Variants in DTNB observed in about 807,000 individuals in gnomAD.
DTNB encodes dystrobrevin beta, also known as DTN-B.
DTNB carries 63 observed loss-of-function variants against 90.7 expected under a neutral mutation model. That is an observed-to-expected ratio of 0.69 (90% confidence interval 0.57 to 0.86). DTNB has a LOEUF of 0.86. DTNB is among the 40% of genes least tolerant of loss of function. The probability of loss-of-function intolerance (pLI) is 0.00; values close to 1 mark genes in which losing one functional copy is unlikely to be tolerated. For missense variants in DTNB, 744 were observed against 807.1 expected (o/e 0.92, Z 0.95); for synonymous variants, 277 against 286.7 (o/e 0.97, Z 0.34).
At chr2:25,482,914 C>T in intron 9 of DTNB, 41 bp from the exon 10 acceptor site, 1 of 1,552,790 alleles carries the variant, frequency 6.4e-7, no homozygotes, top group Non-Finnish European at 8.7e-7. Context: ...TAATGACCAA[C>T]TAGGGGAAAC....
chr2:25,381,971 T>A (rs1041945216), intron 19 of DTNB, among the ~76,000 whole-genome samples: 3 of 152,268 alleles, frequency 2.0e-5, no homozygotes, highest in African/African-American at 7.2e-5. Context: ...CTTCCTTACC[T>A]GTATCTCCCA....
chr2:25,382,311 G>A (rs753846308), intron 19 of DTNB, among the ~76,000 whole-genome samples: 4 of 152,122 alleles, frequency 2.6e-5, no homozygotes, highest in Admixed American at 6.5e-5. Flanking sequence ...ACCAGGCACT[G>A]GAACACAACA....
chr2:25,586,362 T>C (rs1282466930), intron 6 of DTNB, among the ~76,000 whole-genome samples: 1 of 150,604 alleles, frequency 6.6e-6, no homozygotes, highest in Non-Finnish European at 1.5e-5. Context: ...ATACAAAAAT[T>C]CGCCAGGTGC....
intron 15 of DTNB, among the ~76,000 whole-genome samples, chr2:25,422,395 C>CTTTTTTTT (rs146697158): frequency 2.0e-4 from 17 of 82,940 alleles, no homozygotes; most frequent in South Asian, 4.8e-4. Flanking sequence ...CTTTTCTCTT[C>CTTTTTTTT]TTTTTTTTTT....
At chr2:25,409,227 TTTCATTCA>T (rs142975608) in intron 16 of DTNB, among the ~76,000 whole-genome samples, 24 of 152,248 alleles carry the variant, frequency 1.6e-4, no homozygotes, top group African/African-American at 4.1e-4. Context: ...CCCAACTGGA[TTTCATTCA>T]TTCATTCATT....
intron 3 of DTNB, among the ~76,000 whole-genome samples, chr2:25,630,656 C>T (rs1242136378): frequency 6.6e-6 from 1 of 151,868 alleles, no homozygotes; most frequent in Non-Finnish European, 1.5e-5. Context: ...ACCAGCCTGG[C>T]CAACATGGAG....
At chr2:25,563,017 G>A (rs1281320356) in intron 8 of DTNB, among the ~76,000 whole-genome samples, 1 of 152,130 alleles carries the variant, frequency 6.6e-6, no homozygotes, top group Non-Finnish European at 1.5e-5. Flanking sequence ...CAATCCATCT[G>A]CCTCAGCCTC....
chr2:25,553,921 C>T (rs929494944), intron 8 of DTNB, among the ~76,000 whole-genome samples: 1 of 151,924 alleles, frequency 6.6e-6, no homozygotes, highest in Non-Finnish European at 1.5e-5. Context: ...TTGTGCTCAG[C>T]GGCAAATAGC....
At chr2:25,589,805 T>C (rs2063205919) in intron 6 of DTNB, among the ~76,000 whole-genome samples, 1 of 152,194 alleles carries the variant, frequency 6.6e-6, no homozygotes, top group African/African-American at 2.4e-5. Context: ...AGTGGCACCT[T>C]TGCCGGAGTT....
chr2:25,568,449 T>C (rs186581200), intron 8 of DTNB, among the ~76,000 whole-genome samples: 24 of 151,920 alleles, frequency 1.6e-4, no homozygotes, highest in African/African-American at 5.1e-4. Context: ...AAAGGAAGGT[T>C]AAGGCTAAAG....
At chr2:25,569,774 G>C (rs1019165492) in intron 8 of DTNB, among the ~76,000 whole-genome samples, 2 of 152,156 alleles carry the variant, frequency 1.3e-5, no homozygotes, top group Admixed American at 6.6e-5. Flanking sequence ...TGCAACTAAT[G>C]AGTCTTCTAA....
At chr2:25,533,602 A>G (rs1296195909) in intron 8 of DTNB, among the ~76,000 whole-genome samples, 1 of 152,194 alleles carries the variant, frequency 6.6e-6, no homozygotes, top group Non-Finnish European at 1.5e-5. Flanking sequence ...TTTTCCATAC[A>G]AAAGCTTTCA....
chr2:25,633,158 GCTCTCCCTCTCC>G (rs201883625), intron 3 of DTNB, among the ~76,000 whole-genome samples: 76 of 152,028 alleles, frequency 5.0e-4, no homozygotes, highest in African/African-American at 1.5e-3. Context: ...TTTTAAAATA[GCTCTCCCTCTCC>G]CTCTCCCTCT....
intron 10 of DTNB, among the ~76,000 whole-genome samples, chr2:25,473,115 G>A (rs2063119519): frequency 1.3e-5 from 2 of 152,178 alleles, no homozygotes; most frequent in Admixed American, 6.5e-5. Context: ...GACTAAATTG[G>A]GGGTAAAGTG....
Position 25,652,594 on chromosome 2 carries a change from G to A in DTNB, c.67C>T (p.Arg23Cys), listed in dbSNP as rs776584873. The change falls in exon 2 of 21, where the codon CGT becomes TGT. Residue 23 changes from arginine (R) to cysteine (C), a missense_variant and splice_region_variant. Arg to Cys is a radical substitution (Grantham distance 180, BLOSUM62 -3). Transcript: ENST00000406818. ...ATATGAACAAGGACTCAAGACTCAC[G>A]CATTTCTATGAACAGCTGCCTCTTC... Reference protein sequence around the residue: ...AEKRQLFIEMRAQNFDVIRLS... With the variant: ...AEKRQLFIEMCAQNFDVIRLS... 7.5e-6 allele frequency: 12 copies of A among 1,607,510 alleles called. No individual in the cohort carries two copies. Among genetic ancestry groups the A allele is most frequent in the African/African-American group, 6.8e-5 (5 of 73,904 alleles).
intron 12 of DTNB, among the ~76,000 whole-genome samples, chr2:25,443,880 G>C (rs1037719201): frequency 6.6e-6 from 1 of 152,194 alleles, no homozygotes; most frequent in Non-Finnish European, 1.5e-5. Flanking sequence ...ACATGTGTGC[G>C]AAACATCATA....
chr2:25,540,679 T>A (rs959383878), intron 8 of DTNB, among the ~76,000 whole-genome samples: 14 of 152,118 alleles, frequency 9.2e-5, no homozygotes, highest in Admixed American at 9.2e-4. Flanking sequence ...GGGAGACTTT[T>A]CATTTTGTTC....
At chr2:25,646,498 T>C (rs1256454996) in intron 2 of DTNB, among the ~76,000 whole-genome samples, 2 of 152,046 alleles carry the variant, frequency 1.3e-5, no homozygotes, top group African/African-American at 2.4e-5. Flanking sequence ...AAGAAACTTA[T>C]TACAACCTAT....
chr2:25,514,429 A>C (rs1472650510), intron 9 of DTNB, among the ~76,000 whole-genome samples: 1 of 152,172 alleles, frequency 6.6e-6, no homozygotes, highest in Non-Finnish European at 1.5e-5. Flanking sequence ...GGCCTTGTAG[A>C]CCATTGTATA....
Sources: allele counts gnomAD v4.1 joint callset (sites outside exome capture counted in the v4.1 genomes callset), GRCh38; gene constraint gnomAD v4.1.1; transcripts MANE v1.5; gene names NCBI Gene and HGNC (gene_info 2026-07-23, HGNC 2026-07-21).